The following JAM3 variants were observed in gnomAD, a reference collection of about 807,000 sequenced individuals.
The protein encoded by JAM3 is junctional adhesion molecule 3.
JAM3 carries 31 observed loss-of-function variants against 39.4 expected under a neutral mutation model. That is an observed-to-expected ratio of 0.79 (90% CI 0.59 to 1.06). JAM3 has a LOEUF of 1.06. Among genes scored for constraint, JAM3 ranks in the 50% least tolerant of loss-of-function variants. JAM3 has a pLI of 0.00. For missense variants in JAM3, 455 were observed against 391.4 expected (o/e 1.16, Z -1.37); for synonymous variants, 182 against 148.7 (o/e 1.22, Z -1.63).
chr11:134,148,652 TCAA>T lies in JAM3; in HGVS notation c.822_824del (p.Asn275del), dbSNP rs1943124892. 2 of 1,613,988 alleles carry T rather than the reference TCAA, an allele frequency of 1.2e-6. No individual in the cohort carries two copies. The highest frequency in any genetic ancestry group is 1.7e-5 in the Admixed American group (1 of 60,004). On this transcript the variant is annotated inframe_deletion, in exon 7 of 9. Coordinates refer to ENST00000299106, the MANE Select transcript of JAM3 (RefSeq NM_032801.5). ...TGTGCATACAGACGTGGCTACTTCA[TCAA>T]CAATAAACAGGATGGAGAAAGGTGA...
At position 134,107,373 on chromosome 11, in the gene JAM3, C is replaced by G. The variant is rs1260256180; in HGVS notation, c.77-32478C>G. The stretch of plus-strand genomic sequence containing the variant: ...GGGAGGGATAGCATTAGGAGATATA[C>G]CTAATGTAAATGACGAGTTAATGGG... On this transcript the variant is annotated intron_variant, in intron 1 of 8. Coordinates refer to ENST00000299106, the MANE Select transcript of JAM3 (RefSeq NM_032801.5). Among the ~76,000 whole-genome samples the G allele has an allele frequency of 2.6e-5, 4 of 151,970 alleles. No individual in the cohort carries two copies. In the East Asian group the frequency reaches 5.8e-4, roughly 22 times the overall value.
intron 1 of JAM3, among the ~76,000 whole-genome samples, chr11:134,076,431 G>T (rs1044318252): frequency 3.9e-5 from 6 of 152,166 alleles, no homozygotes; most frequent in Non-Finnish European, 8.8e-5. Context: ...CTGGATCACA[G>T]GTGTGAGCCA....
intron 1 of JAM3, among the ~76,000 whole-genome samples, chr11:134,120,086 G>T (rs1348076509): frequency 6.7e-6 from 1 of 148,390 alleles, no homozygotes; most frequent in African/African-American, 2.5e-5. Flanking sequence ...AAAAATTGGT[G>T]AAGGAACTAA....
intron 1 of JAM3, among the ~76,000 whole-genome samples, chr11:134,118,056 G>C (rs1846624011): frequency 6.6e-6 from 1 of 152,200 alleles, no homozygotes; most frequent in Non-Finnish European, 1.5e-5. Context: ...TTATGGGACT[G>C]GGCTCACACA....
At chr11:134,073,010 G>A (rs1470518684) in intron 1 of JAM3, among the ~76,000 whole-genome samples, 1 of 152,232 alleles carries the variant, frequency 6.6e-6, no homozygotes, top group Non-Finnish European at 1.5e-5. Flanking sequence ...CAGAATTCTA[G>A]CAGTATATGC....
At chr11:134,149,065 GC>G in intron 8 of JAM3, 80 bp from the exon 9 acceptor site, 2 of 1,498,586 alleles carry the variant, frequency 1.3e-6, no homozygotes, top group East Asian at 4.5e-5. Context: ...TCTGTATTTA[GC>G]CCATGTTAGA....
intron 1 of JAM3, among the ~76,000 whole-genome samples, chr11:134,092,325 C>T (rs1428275863): frequency 6.7e-6 from 1 of 149,942 alleles, no homozygotes; most frequent in Non-Finnish European, 1.5e-5. Context: ...CTGAGGGAAG[C>T]TTCTCCTGAA....
chr11:134,090,893 C>A (rs1292173323), intron 1 of JAM3, among the ~76,000 whole-genome samples: 1 of 152,272 alleles, frequency 6.6e-6, no homozygotes, highest in South Asian at 2.1e-4. Flanking sequence ...AATTTCAAGT[C>A]CCAAACTTGA....
chr11:134,115,748 T>A (rs1222091206), intron 1 of JAM3, among the ~76,000 whole-genome samples: 4 of 151,166 alleles, frequency 2.6e-5, no homozygotes, highest in African/African-American at 7.3e-5. Flanking sequence ...AAAAAAAAAA[T>A]TAGCAAGGCA....
intron 1 of JAM3, among the ~76,000 whole-genome samples, chr11:134,128,315 C>G (rs556572134): frequency 6.6e-6 from 1 of 152,168 alleles, no homozygotes; most frequent in Non-Finnish European, 1.5e-5. Flanking sequence ...CAGAACTCAC[C>G]TCTCTCTGAG....
At chr11:134,089,080 T>C (rs886279702) in intron 1 of JAM3, among the ~76,000 whole-genome samples, 5 of 152,216 alleles carry the variant, frequency 3.3e-5, no homozygotes, top group African/African-American at 1.2e-4. Flanking sequence ...TCCATGCTAG[T>C]GAAGAGCACT....
intron 1 of JAM3, among the ~76,000 whole-genome samples, chr11:134,115,290 T>G (rs769307378): frequency 5.3e-5 from 8 of 152,212 alleles, no homozygotes; most frequent in Non-Finnish European, 7.3e-5. Context: ...TTGCCTTGCT[T>G]TTTTAGGAGA....
intron 1 of JAM3, among the ~76,000 whole-genome samples, chr11:134,108,605 A>G (rs1221259823): frequency 1.3e-5 from 2 of 152,218 alleles, no homozygotes; most frequent in African/African-American, 4.8e-5. Flanking sequence ...AAAAACAAAA[A>G]CCAACCGAGG....
At chr11:134,111,762 C>T (rs1344948408) in intron 1 of JAM3, among the ~76,000 whole-genome samples, 1 of 152,124 alleles carries the variant, frequency 6.6e-6, no homozygotes, top group Non-Finnish European at 1.5e-5. Context: ...TCCATATAAA[C>T]AATAAAAAGG....
At chr11:134,120,006 C>G (rs979368521) in intron 1 of JAM3, among the ~76,000 whole-genome samples, 28 of 152,148 alleles carry the variant, frequency 1.8e-4, no homozygotes, top group South Asian at 8.3e-4. Flanking sequence ...GTGAGTGGGT[C>G]TGTAAAATGC....
chr11:134,139,626 A>C (rs1446458785), intron 1 of JAM3: 4 of 561,800 alleles, frequency 7.1e-6, no homozygotes, highest in Non-Finnish European at 1.3e-5. Context: ...AGGAGAAGGA[A>C]TTCTTAGAAC....
At chr11:134,092,670 A>C (rs1941891367) in intron 1 of JAM3, among the ~76,000 whole-genome samples, 1 of 129,556 alleles carries the variant, frequency 7.7e-6, no homozygotes, top group South Asian at 2.9e-4. Flanking sequence ...TCACTTCCTG[A>C]GGGAAGCTTC....
At chr11:134,095,405 G>A (rs958740125) in intron 1 of JAM3, among the ~76,000 whole-genome samples, 1 of 152,150 alleles carries the variant, frequency 6.6e-6, no homozygotes, top group African/African-American at 2.4e-5. Context: ...GCTGAGGCAG[G>A]CAGATCACGA....
intron 1 of JAM3, among the ~76,000 whole-genome samples, chr11:134,081,249 G>T (rs1941660323): frequency 1.3e-5 from 2 of 152,216 alleles, no homozygotes; most frequent in South Asian, 4.1e-4. Context: ...AATTCAAGCT[G>T]GCTGCAGAAA....
Sources: gnomAD v4.1 joint callset for allele counts (sites outside exome capture counted in the v4.1 genomes callset) on GRCh38, gnomAD v4.1.1 for gene constraint, MANE v1.5 for transcripts, NCBI Gene and HGNC (gene_info 2026-07-23, HGNC 2026-07-21) for gene names.